Variants in HS6ST3 observed in about 807,000 individuals in gnomAD.
HS6ST3 encodes the protein heparan-sulfate 6-O-sulfotransferase 3.
HS6ST3 carries 12 observed loss-of-function variants against 36.7 expected under a neutral mutation model. The ratio of observed to expected loss-of-function variants is 0.33; its 90% CI spans 0.21 to 0.53. The LOEUF is 0.53. Among genes scored for constraint, HS6ST3 ranks in the 20% least tolerant of loss-of-function variants. The pLI is 0.95. For missense variants in HS6ST3, 584 were observed against 640.9 expected (o/e 0.91, Z 0.96); for synonymous variants, 240 against 257.5 (o/e 0.93, Z 0.65).
intron 1 of HS6ST3, among the ~76,000 whole-genome samples, chr13:96,621,840 C>A (rs1161071504): frequency 6.6e-6 from 1 of 152,160 alleles, no homozygotes; most frequent in Non-Finnish European, 1.5e-5. Context: ...TTTATTGCAC[C>A]ATTGCAACGA....
chr13:96,468,032 G>T (rs1419441772), intron 1 of HS6ST3, among the ~76,000 whole-genome samples: 1 of 152,098 alleles, frequency 6.6e-6, no homozygotes. Flanking sequence ...AATCCTGGGG[G>T]GAAGTATTCA....
At chr13:96,664,404 A>T (rs1357006235) in intron 1 of HS6ST3, among the ~76,000 whole-genome samples, 1 of 152,194 alleles carries the variant, frequency 6.6e-6, no homozygotes, top group Admixed American at 6.5e-5. Flanking sequence ...TTCATCACTC[A>T]GACCCCAGTT....
At chr13:96,539,874 C>T (rs950491025) in intron 1 of HS6ST3, among the ~76,000 whole-genome samples, 3 of 152,186 alleles carry the variant, frequency 2.0e-5, no homozygotes, top group Admixed American at 6.5e-5. Flanking sequence ...ATATCTTCAA[C>T]TACTCCCTTA....
intron 1 of HS6ST3, among the ~76,000 whole-genome samples, chr13:96,361,510 A>G (rs1566337711): frequency 1.3e-5 from 2 of 152,220 alleles, no homozygotes; most frequent in Non-Finnish European, 2.9e-5. Flanking sequence ...GTAACACTTA[A>G]CTAGATTCTT....
chr13:96,270,432 A>G (rs1433044814), intron 1 of HS6ST3, among the ~76,000 whole-genome samples: 12 of 151,996 alleles, frequency 7.9e-5, no homozygotes. Flanking sequence ...TTTCTAAGTT[A>G]TCATTAGTGA....
intron 1 of HS6ST3, among the ~76,000 whole-genome samples, chr13:96,768,276 A>C (rs1294560092): frequency 6.6e-6 from 1 of 152,202 alleles, no homozygotes; most frequent in Non-Finnish European, 1.5e-5. Flanking sequence ...CAGATTAAGG[A>C]AAAAGGAAAT....
chr13:96,514,031 C>T (rs776719425), intron 1 of HS6ST3, among the ~76,000 whole-genome samples: 1 of 151,948 alleles, frequency 6.6e-6, no homozygotes, highest in South Asian at 2.1e-4. Context: ...GGAGCCTGAC[C>T]GTGAGCCTTG....
At chr13:96,475,584 C>A (rs4771953) in intron 1 of HS6ST3, among the ~76,000 whole-genome samples, 142,083 of 148,164 alleles carry the variant, frequency 0.96, 68,273 homozygotes, top group East Asian at 1. Flanking sequence ...CTCTGAGAAA[C>A]TAGCTGCATT....
chr13:96,648,679 C>A (rs2056597457), intron 1 of HS6ST3, among the ~76,000 whole-genome samples: 1 of 151,748 alleles, frequency 6.6e-6, no homozygotes. Flanking sequence ...AGGCCCCAGT[C>A]TGTGTTGTTC....
chr13:96,094,904 C>A (rs140023724), intron 1 of HS6ST3, among the ~76,000 whole-genome samples: 33 of 152,118 alleles, frequency 2.2e-4, no homozygotes, highest in African/African-American at 7.7e-4. Flanking sequence ...TTTGGCAGGC[C>A]ATTCTTTCTC....
At chr13:96,808,656 G>C (rs1878251150) in intron 1 of HS6ST3, among the ~76,000 whole-genome samples, 2 of 152,164 alleles carry the variant, frequency 1.3e-5, no homozygotes, top group South Asian at 2.1e-4. Flanking sequence ...CAGCACTTGA[G>C]AAAATGCAGA....
intron 1 of HS6ST3, among the ~76,000 whole-genome samples, chr13:96,160,389 T>G (rs2054130140): frequency 6.6e-6 from 1 of 152,182 alleles, no homozygotes; most frequent in Admixed American, 6.5e-5. Flanking sequence ...TTGAATTGAG[T>G]GAATGGTTGA....
At chr13:96,261,412 G>T (rs1483768378) in intron 1 of HS6ST3, among the ~76,000 whole-genome samples, 1 of 151,906 alleles carries the variant, frequency 6.6e-6, no homozygotes, top group Non-Finnish European at 1.5e-5. Context: ...ATTGTAAAAG[G>T]GCATATGGAA....
At chr13:96,765,846 T>C (rs1171929529) in intron 1 of HS6ST3, among the ~76,000 whole-genome samples, 1 of 152,110 alleles carries the variant, frequency 6.6e-6, no homozygotes, top group Non-Finnish European at 1.5e-5. Flanking sequence ...GATGAGGACA[T>C]GTTCTATTTT....
chr13:96,825,766 A>C (rs1350612409), intron 1 of HS6ST3, among the ~76,000 whole-genome samples: 1 of 152,200 alleles, frequency 6.6e-6, no homozygotes, highest in Non-Finnish European at 1.5e-5. Flanking sequence ...TGACTCATTA[A>C]ATGAACGTTT....
chr13:96,355,794 A>C (rs918638732), intron 1 of HS6ST3, among the ~76,000 whole-genome samples: 10 of 152,138 alleles, frequency 6.6e-5, no homozygotes, highest in African/African-American at 2.4e-4. Context: ...CCTTTCACAA[A>C]ATATTTCTCT....
chr13:96,640,014 C>T (rs2056564692), intron 1 of HS6ST3, among the ~76,000 whole-genome samples: 1 of 151,844 alleles, frequency 6.6e-6, no homozygotes, highest in Non-Finnish European at 1.5e-5. Context: ...AATAGTGCTG[C>T]AGTGAGCATA....
intron 1 of HS6ST3, among the ~76,000 whole-genome samples, chr13:96,512,770 G>A (rs986849917): frequency 9.2e-5 from 14 of 151,840 alleles, no homozygotes; most frequent in African/African-American, 2.9e-4. Flanking sequence ...TAATTCCAGT[G>A]GTTTATCTGT....
intron 1 of HS6ST3, among the ~76,000 whole-genome samples, chr13:96,213,020 T>C (rs1231008732): frequency 6.6e-6 from 1 of 152,234 alleles, no homozygotes; most frequent in Non-Finnish European, 1.5e-5. Context: ...TTTTCTATAC[T>C]GACAGAGCAG....
Sources: gnomAD v4.1 joint callset for allele counts (sites outside exome capture counted in the v4.1 genomes callset) on GRCh38, gnomAD v4.1.1 for gene constraint, MANE v1.5 for transcripts, NCBI Gene and HGNC (gene_info 2026-07-23, HGNC 2026-07-21) for gene names.